DOCK5: variants seen among roughly 807,000 people sequenced by gnomAD.
The protein encoded by DOCK5 is dedicator of cytokinesis protein 5.
In DOCK5, 142 loss-of-function variants were observed where a neutral mutation model predicts 251.8. The ratio of observed to expected loss-of-function variants is 0.56; its 90% CI spans 0.49 to 0.65. The LOEUF is 0.65. Among genes scored for constraint, DOCK5 ranks in the 30% least tolerant of loss-of-function variants. The pLI is 0.00. For synonymous variants in DOCK5, 842 were observed against 835.5 expected (o/e 1.01, Z -0.13); for missense variants, 2,111 against 2,312.3 (o/e 0.91, Z 1.79).
rs1804790826 is a variant in DOCK5, at chr8:25,302,433, C to T, written c.955C>T (p.Arg319Ter). The T allele has an allele frequency of 2.5e-6, 4 of 1,576,572 alleles. No individual in the cohort carries two copies. The highest frequency in any genetic ancestry group is 1.9e-5 in the Admixed American group (1 of 53,472). The change falls in exon 10 of 52, where the codon CGA (arginine) becomes TGA (stop). Residue 319 changes from arginine to a stop codon, truncating the protein, a stop_gained. Coordinates refer to ENST00000276440, the MANE Select transcript of DOCK5 (RefSeq NM_024940.8). LOFTEE classifies it high-confidence loss of function. ...AGGCAAGAAGCACACCTGTGGACTC[C>T]GAAGACCTTTTGGAGTGGCAGGTAC... ...KEGKKHTCGLRRPFGVAVMDI... is the reference protein window; with the variant it reads ...KEGKKHTCGL
At chr8:25,270,303 G>A (rs998016986) in intron 3 of DOCK5, among the ~76,000 whole-genome samples, 1 of 152,182 alleles carries the variant, frequency 6.6e-6, no homozygotes, top group Non-Finnish European at 1.5e-5. Context: ...CAGCAGGCAT[G>A]CCAGAGTAAA....
intron 1 of DOCK5, among the ~76,000 whole-genome samples, chr8:25,201,847 T>C (rs1166538938): frequency 6.6e-5 from 10 of 152,286 alleles, no homozygotes; most frequent in African/African-American, 2.4e-4. Flanking sequence ...GGCAATCAGG[T>C]GCCTTTGTTT....
At chr8:25,237,230 G>A (rs56121781) in intron 1 of DOCK5, among the ~76,000 whole-genome samples, 3,721 of 152,108 alleles carry the variant, frequency 0.024, 155 homozygotes, top group African/African-American at 0.085. Context: ...TTAGCCAGGT[G>A]TGGTGGCACA....
chr8:25,338,442 C>A (rs1805868785), intron 22 of DOCK5, among the ~76,000 whole-genome samples: 1 of 152,026 alleles, frequency 6.6e-6, no homozygotes, highest in Non-Finnish European at 1.5e-5. Flanking sequence ...ATTTATTATT[C>A]TATTTTTATT....
intron 37 of DOCK5, chr8:25,375,580 T>C: frequency 1.6e-6 from 1 of 619,392 alleles, no homozygotes; most frequent in Non-Finnish European, 2.0e-6. Flanking sequence ...CCTTGGTCCA[T>C]CCCGTAAGCA....
At chr8:25,385,746 A>G (rs1801154528) in intron 40 of DOCK5, among the ~76,000 whole-genome samples, 1 of 152,206 alleles carries the variant, frequency 6.6e-6, no homozygotes, top group South Asian at 2.1e-4. Context: ...GAGATGGCCT[A>G]GAACACTGCC....
intron 2 of DOCK5, among the ~76,000 whole-genome samples, chr8:25,259,428 T>C (rs905866830): frequency 1.3e-5 from 2 of 152,138 alleles, no homozygotes; most frequent in Non-Finnish European, 2.9e-5. Context: ...TCCTTAACTA[T>C]GTTTTCTTTC....
At chr8:25,316,548 A>G (rs1037433675) in intron 13 of DOCK5, among the ~76,000 whole-genome samples, 1 of 152,280 alleles carries the variant, frequency 6.6e-6, no homozygotes, top group Admixed American at 6.5e-5. Context: ...TGTTCTGTAG[A>G]TTAACAAGTT....
At chr8:25,275,826 A>ACT (rs1410455592) in intron 4 of DOCK5, among the ~76,000 whole-genome samples, 1 of 151,256 alleles carries the variant, frequency 6.6e-6, no homozygotes, top group Admixed American at 6.6e-5. Context: ...ACAGAGCAAG[A>ACT]CTCTCTCTCA....
intron 1 of DOCK5, among the ~76,000 whole-genome samples, chr8:25,203,178 C>T (rs2117464715): frequency 6.6e-6 from 1 of 152,330 alleles, no homozygotes; most frequent in Middle Eastern, 3.4e-3. Context: ...CCACTGATGA[C>T]AGAATCCTGA....
intron 26 of DOCK5, among the ~76,000 whole-genome samples, chr8:25,345,867 TGA>T (rs992782532): frequency 6.6e-6 from 1 of 152,008 alleles, no homozygotes; most frequent in Non-Finnish European, 1.5e-5. Context: ...TTTTTTTTTT[TGA>T]GAGGGAGTCT....
intron 10 of DOCK5, among the ~76,000 whole-genome samples, chr8:25,303,350 G>T (rs1036520074): frequency 1.3e-5 from 2 of 152,128 alleles, no homozygotes; most frequent in African/African-American, 2.4e-5. Context: ...CTGGGTCTGC[G>T]TATTGATTTT....
rs910026474 is a variant in DOCK5, at chr8:25,414,381, TCCTCCA to T, written c.*3087_*3092del. 3.9e-5 allele frequency: 6 copies of T among 152,230 alleles called. No individual in the cohort carries two copies. Among genetic ancestry groups the T allele is most frequent in the Admixed American group, 1.3e-4 (2 of 15,272 alleles). 9.4% of individuals were successfully genotyped at this position (152,230 alleles called of 1,614,324 possible). A position where few individuals can be genotyped will look rare whatever the true frequency, so the allele number is the denominator to read the frequency against. On this transcript the variant is annotated 3_prime_UTR_variant, in exon 52 of 52. Transcript: ENST00000276440. Reference sequence around the variant, plus strand: ...TGCTGGGCCATGAGTTGCTTCCTCCTCCTCCACCTTAACCCTCTGATTCCAGAATTG... The same window carrying T: ...TGCTGGGCCATGAGTTGCTTCCTCCTCCTTAACCCTCTGATTCCAGAATTG...
At chr8:25,248,788 C>T (rs1803189504) in intron 2 of DOCK5, among the ~76,000 whole-genome samples, 1 of 152,068 alleles carries the variant, frequency 6.6e-6, no homozygotes, top group African/African-American at 2.4e-5. Flanking sequence ...AGGTGCTCAG[C>T]AACAATCTAT....
At chr8:25,273,856 T>A (rs1048594889) in intron 3 of DOCK5, among the ~76,000 whole-genome samples, 1 of 152,218 alleles carries the variant, frequency 6.6e-6, no homozygotes, top group Non-Finnish European at 1.5e-5. Flanking sequence ...CCCACCTCCA[T>A]AATGAAAGAG....
chr8:25,270,203 G>C (rs1196285301), intron 3 of DOCK5, among the ~76,000 whole-genome samples: 6 of 152,218 alleles, frequency 3.9e-5, no homozygotes, highest in African/African-American at 1.4e-4. Context: ...AGTTATTCTA[G>C]TGTCGCATGT....
chr8:25,351,925 A>G, intron 27 of DOCK5, 99 bp downstream of exon 27: 1 of 817,908 alleles, frequency 1.2e-6, no homozygotes, highest in South Asian at 1.6e-5. Context: ...ACTATTCTTC[A>G]CATGGGCCTC....
intron 30 of DOCK5, among the ~76,000 whole-genome samples, chr8:25,366,244 A>G (rs111922672): frequency 0.034 from 5,165 of 152,280 alleles, 280 homozygotes; most frequent in African/African-American, 0.12. Flanking sequence ...TAGTCTCAGC[A>G]CTTTGGGAGG....
Position 25,345,687 on chromosome 8 carries a change from C to T in DOCK5, c.2754+76C>T, listed in dbSNP as rs1800351926. The T allele has an allele frequency of 3.2e-6, 5 of 1,563,068 alleles. No individual in the cohort carries two copies. In the East Asian group the frequency reaches 1.1e-4, roughly 35 times the overall value. On this transcript the variant is annotated intron_variant, in intron 26 of 51. Transcript: ENST00000276440. The stretch of plus-strand genomic sequence containing the variant: ...CACCAGACAGGAGTGACTCCGTGGC[C>T]TTCCTATTCTCAGGTAGTTTCCAGC...
Sources: gnomAD v4.1 joint callset for allele counts (sites outside exome capture counted in the v4.1 genomes callset) on GRCh38, gnomAD v4.1.1 for gene constraint, MANE v1.5 for transcripts, NCBI Gene and HGNC (gene_info 2026-07-23, HGNC 2026-07-21) for gene names.